GMNC: variants seen among roughly 807,000 people sequenced by gnomAD.
GMNC encodes geminin coiled-coil domain containing.
GMNC carries 16 observed loss-of-function variants against 33.6 expected under a neutral mutation model. That is an observed-to-expected ratio of 0.48 (90% CI 0.32 to 0.72). The LOEUF (loss-of-function observed/expected upper bound fraction) is 0.72. GMNC is among the 30% of genes least tolerant of loss of function. The pLI is 0.03. For missense variants in GMNC, 393 were observed against 388.9 expected, an observed-to-expected ratio of 1.01 and a Z score of -0.09; for synonymous variants, 156 against 147.3, an observed-to-expected ratio of 1.06 and a Z score of -0.43.
At position 190,862,362 on chromosome 3, in the gene GMNC, A is replaced by AGAGAGAGAGAGAG. The variant is rs1553787646; in HGVS notation, c.3+250_3+251insCTCTCTCTCTCTC. ...AAGTAAGGAAAGTAGTAATAACAGAAAGAGAGAGAGAGGGCGAGAGAGAGA... is the reference window on the plus strand; with the variant it reads ...AAGTAAGGAAAGTAGTAATAACAGAAGAGAGAGAGAGAGAGAGAGAGAGAGGGCGAGAGAGAGA... On this transcript the variant is annotated intron_variant, in intron 1 of 4. Transcript: ENST00000442080. The surrounding 1 kb of genome is among the most constrained non-coding windows in gnomAD (Gnocchi z 4.5). 7.4e-5 allele frequency among the ~76,000 whole-genome samples: 11 copies of AGAGAGAGAGAGAG among 147,664 alleles called. No homozygotes were observed. The highest frequency in any genetic ancestry group is 1.1e-4 in the Non-Finnish European group (7 of 66,140).
At position 190,852,929 on chromosome 3, in the gene GMNC, T is replaced by C. The variant is rs1169728727; in HGVS notation, c.*2366A>G. The C allele has an allele frequency of 1.3e-5, 2 of 152,160 alleles. No individual in the cohort carries two copies. The highest frequency in any genetic ancestry group is 2.9e-5 in the Non-Finnish European group (2 of 67,998). 9.4% of individuals were successfully genotyped at this position (152,160 alleles called of 1,614,324 possible). A position where few individuals can be genotyped will look rare whatever the true frequency, so the allele number is the denominator to read the frequency against. ...AAAACATGAACAAAATAATTTTCTATACATAATTTAAATGGATATTAAATA... is the reference window on the plus strand; with the variant it reads ...AAAACATGAACAAAATAATTTTCTACACATAATTTAAATGGATATTAAATA... On this transcript the variant is annotated 3_prime_UTR_variant, in exon 5 of 5. Coordinates refer to ENST00000442080, the MANE Select transcript of GMNC (RefSeq NM_001146686.3).
At chr3:190,847,444 A>G in the GMNC span, among the ~76,000 whole-genome samples, 1 of 152,202 alleles carries the variant, frequency 6.6e-6, no homozygotes, top group African/African-American at 2.4e-5. Context: ...AGCCTCTTGC[A>G]GCTCAGATCA....
At position 190,855,142 on chromosome 3, in the gene GMNC, C is replaced by T; in HGVS notation, c.*153G>A. 5.4e-6 allele frequency: 4 copies of T among 747,590 alleles called. No homozygotes were observed. The highest frequency in any genetic ancestry group is 5.4e-5 in the East Asian group (2 of 36,730). The allele number at this position is 747,590 out of a possible 1,614,324, so 46.3% of individuals were successfully genotyped here. A position where few individuals can be genotyped will look rare whatever the true frequency, so the allele number is the denominator to read the frequency against. ...ATTATGGATTCTTGGAAGCCATTCCCTGCAGATTTAAGTGGGTAATTGAGA... is the reference window on the plus strand; with the variant it reads ...ATTATGGATTCTTGGAAGCCATTCCTTGCAGATTTAAGTGGGTAATTGAGA... On this transcript the variant is annotated 3_prime_UTR_variant, in exon 5 of 5. Coordinates refer to ENST00000442080, the MANE Select transcript of GMNC (RefSeq NM_001146686.3).
intron 4 of GMNC, 28 bp from the exon 5 acceptor site, chr3:190,855,943 C>CT: frequency 4.0e-6 from 6 of 1,481,964 alleles, no homozygotes; most frequent in Non-Finnish European, 5.4e-6. Context: ...GAAAGTTATA[C>CT]TTTTTTCATA....
chr3:190,848,892 C>G (rs1737590844), downstream of GMNC, among the ~76,000 whole-genome samples: 1 of 152,160 alleles, frequency 6.6e-6, no homozygotes, highest in African/African-American at 2.4e-5. Flanking sequence ...TTCATAATAT[C>G]ACTGCACTGT....
At chr3:190,851,296 G>A (rs1737629570), downstream of GMNC, among the ~76,000 whole-genome samples, 1 of 152,202 alleles carries the variant, frequency 6.6e-6, no homozygotes, top group Admixed American at 6.5e-5. Context: ...TTTGTGAGAT[G>A]TCAATTGCTC....
downstream of GMNC, among the ~76,000 whole-genome samples, chr3:190,850,637 C>G (rs993468037): frequency 8.5e-5 from 13 of 152,128 alleles, no homozygotes; most frequent in African/African-American, 2.9e-4. Context: ...TTCCTTTTTG[C>G]CTAATAAATT....
At chr3:190,849,068 C>T (rs553696104), downstream of GMNC, among the ~76,000 whole-genome samples, 8 of 152,298 alleles carry the variant, frequency 5.3e-5, no homozygotes, top group Middle Eastern at 3.4e-3. Flanking sequence ...TTTTTACTCT[C>T]GTCGTTAACA....
the GMNC span, among the ~76,000 whole-genome samples, chr3:190,846,938 A>T: frequency 3.3e-5 from 5 of 151,314 alleles, no homozygotes; most frequent in African/African-American, 1.2e-4. Context: ...TGGACTGATA[A>T]TATTATAACT....
At position 190,861,719 on chromosome 3, in the gene GMNC, A is replaced by T. The variant is rs1393661555; in HGVS notation, c.4-861T>A. 6.6e-6 allele frequency among the ~76,000 whole-genome samples: 1 copy of T among 152,154 alleles called. No homozygotes were observed. The highest frequency in any genetic ancestry group is 1.5e-5 in the Non-Finnish European group (1 of 68,032). On this transcript the variant is annotated intron_variant, in intron 1 of 4. Transcript: ENST00000442080. This position sits in a 1 kb window ranked among gnomAD's most constrained non-coding sequence, Gnocchi z 5.1. ...TTCTCCACTGTGTTCTGATCCAGTG[A>T]ACACTCTCCTGCCTTCCACTTCTTG...
At chr3:190,858,320 G>A (rs1353823719) in intron 3 of GMNC, among the ~76,000 whole-genome samples, 1 of 151,944 alleles carries the variant, frequency 6.6e-6, no homozygotes, top group Admixed American at 6.6e-5. Flanking sequence ...GGACCTGTCT[G>A]TATGTCCACT....
In GMNC at chr3:190,855,169, T is replaced by A; in HGVS notation, c.*126A>T. The A allele has an allele frequency of 1.1e-6, 1 of 920,130 alleles. No homozygotes were observed. Among genetic ancestry groups the A allele is most frequent in the Admixed American group, 2.9e-5 (1 of 34,990 alleles). The allele number at this position is 920,130 out of a possible 1,614,324, so 57.0% of individuals were successfully genotyped here. The stretch of plus-strand genomic sequence containing the variant: ...GCAGATTTAAGTGGGTAATTGAGAG[T>A]GACATTTAAAGTGGCAGGAGACAGT... On this transcript the variant is annotated 3_prime_UTR_variant, in exon 5 of 5. Coordinates refer to ENST00000442080, the MANE Select transcript of GMNC (RefSeq NM_001146686.3).
At chr3:190,859,772 A>C (rs1024066003) in intron 2 of GMNC, 2 of 448,232 alleles carry the variant, frequency 4.5e-6, no homozygotes, top group African/African-American at 4.0e-5. Context: ...TCTTTTCTTC[A>C]TCTAGTACAG....
At chr3:190,857,140 A>G (rs1737763543) in intron 4 of GMNC, among the ~76,000 whole-genome samples, 1 of 149,136 alleles carries the variant, frequency 6.7e-6, no homozygotes, top group African/African-American at 2.5e-5. Context: ...TAAAAAATTG[A>G]AAGGCAAAGA....
chr3:190,854,966 G>A lies in GMNC; in HGVS notation c.*329C>T. On this transcript the variant is annotated 3_prime_UTR_variant, in exon 5 of 5. Transcript: ENST00000442080. ...TAAAAGAGGAAAATCTGTTAAACTG[G>A]TTAAAATTGGAAAAATGTATCTAGG... 1 of 234,356 alleles carries A rather than the reference G, an allele frequency of 4.3e-6. No individual in the cohort carries two copies. Among genetic ancestry groups the A allele is most frequent in the Non-Finnish European group, 8.5e-6 (1 of 117,848 alleles). The allele number at this position is 234,356 out of a possible 1,614,324, so 14.5% of individuals were successfully genotyped here.
Position 190,854,519 on chromosome 3 carries a change from G to A in GMNC, c.*776C>T, listed in dbSNP as rs181242615. 4 of 152,266 alleles carry A rather than the reference G, an allele frequency of 2.6e-5. No homozygotes were observed. The highest frequency in any genetic ancestry group is 1.9e-4 in the East Asian group (1 of 5,184). The allele number at this position is 152,266 out of a possible 1,614,324, so 9.4% of individuals were successfully genotyped here. A position where few individuals can be genotyped will look rare whatever the true frequency, so the allele number is the denominator to read the frequency against. On this transcript the variant is annotated 3_prime_UTR_variant, in exon 5 of 5. Coordinates refer to ENST00000442080, the MANE Select transcript of GMNC (RefSeq NM_001146686.3). Reference sequence around the variant, plus strand: ...TCTGGGTAGTTGCAGATGATGACTAGTTTTGTTACCACAGTCCCTCAAAAT... The same window carrying A: ...TCTGGGTAGTTGCAGATGATGACTAATTTTGTTACCACAGTCCCTCAAAAT...
chr3:190,849,374 GGAA>G (rs1302594802), downstream of GMNC, among the ~76,000 whole-genome samples: 3 of 150,498 alleles, frequency 2.0e-5, no homozygotes, highest in Admixed American at 1.3e-4. Context: ...GGCCAGGGGT[GGAA>G]GAAGAATAAC....
chr3:190,846,034 C>T, the GMNC span, among the ~76,000 whole-genome samples: 4 of 152,104 alleles, frequency 2.6e-5, no homozygotes, highest in South Asian at 8.3e-4. Context: ...ATGAGACAAG[C>T]CTGGGCAACA....
At chr3:190,850,904 C>A (rs1737623981), downstream of GMNC, among the ~76,000 whole-genome samples, 1 of 151,992 alleles carries the variant, frequency 6.6e-6, no homozygotes, top group Admixed American at 6.6e-5. Flanking sequence ...AAATAACTTA[C>A]ATCAATTACA....
Sources: gnomAD v4.1 joint callset for allele counts (sites outside exome capture counted in the v4.1 genomes callset) on GRCh38, gnomAD v4.1.1 for gene constraint, Gnocchi (gnomAD v3.1) non-coding constraint, MANE v1.5 for transcripts, NCBI Gene and HGNC (gene_info 2026-07-23, HGNC 2026-07-21) for gene names.